ACAP2: variants seen among roughly 807,000 people sequenced by gnomAD.
ACAP2 encodes the protein arf-GAP with coiled-coil, ANK repeat and PH domain-containing protein 2.
ACAP2 carries 39 observed loss-of-function variants against 115.8 expected under a neutral mutation model. That is an observed-to-expected ratio of 0.34 (90% CI 0.26 to 0.44). The LOEUF (loss-of-function observed/expected upper bound fraction) is 0.44, where lower values mean the gene tolerates loss of function less well. Among genes scored for constraint, ACAP2 ranks in the 20% least tolerant of loss-of-function variants. The pLI is 1.00. For synonymous variants in ACAP2, 289 were observed against 315.8 expected, an observed-to-expected ratio of 0.92 and a Z score of 0.90; for missense variants, 662 against 927.6, an observed-to-expected ratio of 0.71 and a Z score of 3.72.
At chr3:195,315,116 A>G (rs1729004248) in intron 10 of ACAP2, among the ~76,000 whole-genome samples, 1 of 152,232 alleles carries the variant, frequency 6.6e-6, no homozygotes, top group African/African-American at 2.4e-5. Context: ...CTTGGTCTCA[A>G]GCGGTCTTCC....
Position 195,333,034 on chromosome 3 carries a change from A to G in ACAP2, c.663T>C (p.Gly221=). ...SELGPYMKDL[G]AQLDRLVVDA... ...AAATATACTGCAACATTACCTGTGC[A>G]CCAAGATCCTTCATGTAGGGTCCAA... The change falls in exon 8 of 23, where the codon GGT becomes GGC. Residue 221 remains glycine, a synonymous_variant. Transcript: ENST00000326793. The G allele has an allele frequency of 6.2e-7, 1 of 1,600,166 alleles. No homozygotes were observed. Among genetic ancestry groups the G allele is most frequent in the Non-Finnish European group, 8.5e-7 (1 of 1,172,972 alleles).
chr3:195,417,665 C>T (rs1577449274), intron 1 of ACAP2, among the ~76,000 whole-genome samples: 1 of 152,096 alleles, frequency 6.6e-6, no homozygotes, highest in African/African-American at 2.4e-5. Context: ...AAACTGTCAA[C>T]AGCTGGGTAC....
intron 1 of ACAP2, among the ~76,000 whole-genome samples, chr3:195,415,074 C>T (rs1713600432): frequency 6.6e-6 from 1 of 152,042 alleles, no homozygotes; most frequent in Non-Finnish European, 1.5e-5. Context: ...ATACATTTAT[C>T]TAAACATCAA....
intron 1 of ACAP2, chr3:195,410,963 G>A (rs1480132481): frequency 2.6e-6 from 1 of 381,548 alleles, no homozygotes; most frequent in Non-Finnish European, 5.2e-6. Context: ...GCCCTCACCA[G>A]ACACTAATCT....
At chr3:195,282,013 C>T (rs1309023922) in intron 22 of ACAP2, 1 of 152,180 alleles carries the variant, frequency 6.6e-6, no homozygotes, top group Non-Finnish European at 1.5e-5. Context: ...ACACATTATA[C>T]ATTCAAGAAG....
intron 15 of ACAP2, among the ~76,000 whole-genome samples, chr3:195,300,153 TCTC>T (rs1380294568): frequency 2.0e-5 from 3 of 151,570 alleles, no homozygotes; most frequent in Non-Finnish European, 4.4e-5. Context: ...TTCAAGCAAT[TCTC>T]CTGCCTCAGC....
intron 1 of ACAP2, among the ~76,000 whole-genome samples, chr3:195,424,284 T>TATATATATA (rs1491225166): frequency 6.3e-5 from 1 of 15,852 alleles, no homozygotes; most frequent in African/African-American, 1.8e-4. Flanking sequence ...TATATATATA[T>TATATATATA]TTTTTTTTTT....
chr3:195,431,694 G>A (rs1328215118), intron 1 of ACAP2, among the ~76,000 whole-genome samples: 2 of 150,342 alleles, frequency 1.3e-5, no homozygotes, highest in East Asian at 2.0e-4. Flanking sequence ...TGATACACTC[G>A]TCTCGGCCTC....
chr3:195,435,748 G>C (rs1577482207), intron 1 of ACAP2, among the ~76,000 whole-genome samples: 1 of 152,058 alleles, frequency 6.6e-6, no homozygotes, highest in Admixed American at 6.6e-5. Context: ...ATTTATTGAG[G>C]CTTGTTTAAT....
At chr3:195,288,973 T>G in intron 21 of ACAP2, 148 bp downstream of exon 21, 1 of 565,290 alleles carries the variant, frequency 1.8e-6, no homozygotes, top group Non-Finnish European at 3.1e-6. Context: ...ATGTAAGTTA[T>G]ATGTAAATAC....
chr3:195,347,998 C>T (rs946563673), intron 4 of ACAP2, among the ~76,000 whole-genome samples: 1 of 149,104 alleles, frequency 6.7e-6, no homozygotes, highest in East Asian at 2.0e-4. Context: ...GCCCGAGCAA[C>T]AGAGTAAGAT....
chr3:195,384,920 G>A (rs940729723), intron 2 of ACAP2, among the ~76,000 whole-genome samples: 2 of 152,044 alleles, frequency 1.3e-5, no homozygotes, highest in Non-Finnish European at 2.9e-5. Flanking sequence ...AAGAGAGACA[G>A]GTTAATAGTA....
At chr3:195,370,613 G>A (rs937035811) in intron 4 of ACAP2, among the ~76,000 whole-genome samples, 1 of 152,090 alleles carries the variant, frequency 6.6e-6, no homozygotes, top group Non-Finnish European at 1.5e-5. Flanking sequence ...GTCTGTTTCT[G>A]CTCCAGTACT....
chr3:195,353,458 G>A (rs1731746264), intron 4 of ACAP2, among the ~76,000 whole-genome samples: 1 of 152,156 alleles, frequency 6.6e-6, no homozygotes, highest in African/African-American at 2.4e-5. Flanking sequence ...GGGAATGAAG[G>A]ACTGAAACAT....
At chr3:195,345,918 T>G (rs1403768410) in intron 4 of ACAP2, among the ~76,000 whole-genome samples, 1 of 152,210 alleles carries the variant, frequency 6.6e-6, no homozygotes, top group African/African-American at 2.4e-5. Flanking sequence ...GATGGCTCTG[T>G]GTATGATAAA....
At chr3:195,331,796 T>A (rs1047832668) in intron 8 of ACAP2, among the ~76,000 whole-genome samples, 4 of 152,210 alleles carry the variant, frequency 2.6e-5, no homozygotes, top group African/African-American at 9.7e-5. Context: ...TTGAATATAA[T>A]GACATTTTTA....
At chr3:195,406,916 AT>A (rs1276916453) in intron 1 of ACAP2, among the ~76,000 whole-genome samples, 1 of 152,150 alleles carries the variant, frequency 6.6e-6, no homozygotes, top group Non-Finnish European at 1.5e-5. Flanking sequence ...AACTACTAAA[AT>A]TTTTGCAGAC....
intron 10 of ACAP2, among the ~76,000 whole-genome samples, chr3:195,315,661 T>C (rs562458130): frequency 3.0e-4 from 46 of 152,322 alleles, no homozygotes; most frequent in South Asian, 2.1e-3. Context: ...ATTTCTTTAC[T>C]GAAAATAAGG....
chr3:195,432,123 T>C (rs1298698635), intron 1 of ACAP2, among the ~76,000 whole-genome samples: 10 of 152,192 alleles, frequency 6.6e-5, no homozygotes, highest in Non-Finnish European at 1.5e-5. Flanking sequence ...AATTTGCAAA[T>C]ATTTTCTCTC....
Sources: gnomAD v4.1 joint callset for allele counts (sites outside exome capture counted in the v4.1 genomes callset) on GRCh38, gnomAD v4.1.1 for gene constraint, MANE v1.5 for transcripts, NCBI Gene and HGNC (gene_info 2026-07-23, HGNC 2026-07-21) for gene names.